The following LRRC9 variants were observed in gnomAD, a reference collection of about 807,000 sequenced individuals.
LRRC9 encodes leucine rich repeat containing 9.
LRRC9 carries 122 observed loss-of-function variants against 63.2 expected under a neutral mutation model. That is an observed-to-expected ratio of 1.93 (90% CI 1.67 to 2.24). The LOEUF (loss-of-function observed/expected upper bound fraction) is 2.24, where lower values mean the gene tolerates loss of function less well. Among genes scored for constraint, LRRC9 ranks in the 30% most tolerant of loss-of-function variants. The pLI is 0.00. For synonymous variants in LRRC9, 366 were observed against 213.1 expected (o/e 1.72, Z -6.25); for missense variants, 1,071 against 627.7 (o/e 1.71, Z -7.55).
intron 29 of LRRC9, among the ~76,000 whole-genome samples, chr14:60,038,960 A>C (rs1892693074): frequency 6.6e-6 from 1 of 152,132 alleles, no homozygotes; most frequent in African/African-American, 2.4e-5. Context: ...TAGTTTATTG[A>C]CAGTTTTTAG....
rs1894041144 is a variant in LRRC9, at chr14:60,053,412, C to T, written c.4131+207C>T. ...ACACACACACACACACACACACACA[C>T]ACACACACATATATATGTAAGTCAG... On this transcript the variant is annotated intron_variant, in intron 30 of 31. Coordinates refer to ENST00000445360, the Ensembl canonical transcript of LRRC9. The surrounding 1 kb of genome is among the most constrained non-coding windows in gnomAD (Gnocchi z 4.8). 8.3e-6 allele frequency among the ~76,000 whole-genome samples: 1 copy of T among 120,154 alleles called. No individual in the cohort carries two copies. The highest frequency in any genetic ancestry group is 1.9e-5 in the Non-Finnish European group (1 of 52,736). 78.8% of individuals were successfully genotyped at this position (120,154 alleles called of 152,430 possible).
In LRRC9 at chr14:59,927,561, T is replaced by C. The variant is rs898174519; in HGVS notation, c.-33-350T>C. On this transcript the variant is annotated intron_variant, in intron 1 of 31. Coordinates refer to ENST00000445360, the Ensembl canonical transcript of LRRC9. This position sits in a 1 kb window ranked among gnomAD's most constrained non-coding sequence, Gnocchi z 4.4. ...CCTGTTCAAAGGAGAGAAACATGAGTATATAGTGAGAGAACTAACAACTTG... is the reference window on the plus strand; with the variant it reads ...CCTGTTCAAAGGAGAGAAACATGAGCATATAGTGAGAGAACTAACAACTTG... 1.3e-5 allele frequency among the ~76,000 whole-genome samples: 2 copies of C among 151,712 alleles called. No homozygotes were observed. The highest frequency in any genetic ancestry group is 4.8e-5 in the African/African-American group (2 of 41,296).
chr14:59,927,931 T>C lies in LRRC9; in HGVS notation c.-13T>C, dbSNP rs1382554939. ...AAAAGTTATAATATTATGATCACTG[T>C]TTTTAATGGAAGATGATTGAAAGTG... On this transcript the variant is annotated 5_prime_UTR_variant, in exon 2 of 32. Coordinates refer to ENST00000445360, the Ensembl canonical transcript of LRRC9. The surrounding 1 kb of genome is among the most constrained non-coding windows in gnomAD (Gnocchi z 4.4). The C allele has an allele frequency of 1.5e-6, 1 of 677,288 alleles. No individual in the cohort carries two copies. The highest frequency in any genetic ancestry group is 1.6e-5 in the South Asian group (1 of 61,462). 42.0% of individuals were successfully genotyped at this position (677,288 alleles called of 1,614,324 possible).
At chr14:59,965,607 C>T (rs796953366) in intron 10 of LRRC9, among the ~76,000 whole-genome samples, 4 of 151,878 alleles carry the variant, frequency 2.6e-5, no homozygotes, top group African/African-American at 7.3e-5. Flanking sequence ...ATACTGGGGC[C>T]GGGCGCGGTG....
At chr14:60,063,083 C>CAG (rs1461124492) in intron 31 of LRRC9, among the ~76,000 whole-genome samples, 2 of 151,962 alleles carry the variant, frequency 1.3e-5, no homozygotes, top group Non-Finnish European at 2.9e-5. Context: ...TTAGTAAAGG[C>CAG]AGGGTTTCAC....
At chr14:59,967,169 C>A in exon 12 of LRRC9, 1 of 638,322 alleles carries the variant, frequency 1.6e-6, no homozygotes, top group South Asian at 1.7e-5. Context: ...AAAGCATCTT[C>A]TACAAATACT....
chr14:59,935,386 AGATAAG>A (rs1380306525), intron 6 of LRRC9, among the ~76,000 whole-genome samples: 1 of 152,166 alleles, frequency 6.6e-6, no homozygotes, highest in African/African-American at 2.4e-5. Flanking sequence ...TGTGCTAGAA[AGATAAG>A]GATAAGATGG....
Position 59,938,791 on chromosome 14 carries a change from T to C in LRRC9, c.726+219T>C, listed in dbSNP as rs181054406. Among the ~76,000 whole-genome samples, 1 of 150,822 alleles carries C rather than the reference T, an allele frequency of 6.6e-6. No individual in the cohort carries two copies. The highest frequency in any genetic ancestry group is 1.9e-4 in the East Asian group (1 of 5,154). ...ATGACAGTACTGGAAGGTGAAATAA[T>C]AGAATAATAATGTTTCTAATCTATA... On this transcript the variant is annotated intron_variant, in intron 7 of 31. Coordinates refer to ENST00000445360, the Ensembl canonical transcript of LRRC9. This position sits in a 1 kb window ranked among gnomAD's most constrained non-coding sequence, Gnocchi z 4.2.
intron 23 of LRRC9, among the ~76,000 whole-genome samples, chr14:60,010,229 T>C (rs1301114426): frequency 6.6e-6 from 1 of 152,180 alleles, no homozygotes; most frequent in Non-Finnish European, 1.5e-5. Context: ...ATCTAGGCGT[T>C]TCCATACACC....
At chr14:60,010,796 C>G (rs1462873307) in intron 23 of LRRC9, among the ~76,000 whole-genome samples, 3 of 152,198 alleles carry the variant, frequency 2.0e-5, no homozygotes, top group African/African-American at 2.4e-5. Flanking sequence ...CCACCAATCT[C>G]TTTGCATAGC....
At chr14:59,945,289 T>G (rs80162300) in intron 8 of LRRC9, among the ~76,000 whole-genome samples, 2,184 of 152,054 alleles carry the variant, frequency 0.014, 53 homozygotes, top group East Asian at 0.059. Context: ...CCTGAAAAAG[T>G]AAGCATTATT....
chr14:59,951,637 T>C (rs1356396425), intron 8 of LRRC9, among the ~76,000 whole-genome samples: 1 of 147,242 alleles, frequency 6.8e-6, no homozygotes, highest in East Asian at 2.2e-4. Flanking sequence ...TTTTATCTAC[T>C]TTTGGTCTTT....
chr14:59,923,662 TGGCTCACGCCTGTA>T lies in LRRC9; in HGVS notation c.-34+3791_-34+3804del, dbSNP rs1018704083. ...TTAAAACAGATACAGTCAGGCGAGGTGGCTCACGCCTGTAGGCTCACGCCTCCCAGCACTCTGGG... is the reference window on the plus strand; with the variant it reads ...TTAAAACAGATACAGTCAGGCGAGGTGGCTCACGCCTCCCAGCACTCTGGG... On this transcript the variant is annotated intron_variant, in intron 1 of 31. Transcript: ENST00000445360. This position sits in a 1 kb window ranked among gnomAD's most constrained non-coding sequence, Gnocchi z 4.2. Among the ~76,000 whole-genome samples the T allele has an allele frequency of 8.5e-5, 13 of 152,280 alleles. No homozygotes were observed. The highest frequency in any genetic ancestry group is 7.7e-4 in the East Asian group (4 of 5,190).
intron 17 of LRRC9, among the ~76,000 whole-genome samples, chr14:59,993,956 A>G (rs2140165056): frequency 6.6e-6 from 1 of 152,344 alleles, no homozygotes; most frequent in South Asian, 2.1e-4. Flanking sequence ...CTCTGCACCA[A>G]GCGGACCTAA....
At chr14:60,008,727 T>C (rs527742028) in intron 23 of LRRC9, among the ~76,000 whole-genome samples, 87 of 152,322 alleles carry the variant, frequency 5.7e-4, no homozygotes, top group Admixed American at 3.5e-3. Flanking sequence ...AGCAAATTCA[T>C]AGGGCTCCTG....
At position 60,042,551 on chromosome 14, in the gene LRRC9, T is replaced by A. The variant is rs372685713; in HGVS notation, c.3990+10488T>A. On this transcript the variant is annotated intron_variant, in intron 29 of 31. Transcript: ENST00000445360. This position sits in a 1 kb window ranked among gnomAD's most constrained non-coding sequence, Gnocchi z 4.2. ...CGTGGGCATGGGATCCTCCAAGCCA[T>A]GCGCGGGATATAATCTCCTGTTGTG... Among the ~76,000 whole-genome samples the A allele has an allele frequency of 1.9e-4, 29 of 152,296 alleles. No homozygotes were observed. In the South Asian group the frequency reaches 4.6e-3, roughly 24 times the overall value.
chr14:60,029,933 G>A (rs1178038808), intron 28 of LRRC9, among the ~76,000 whole-genome samples: 2 of 124,550 alleles, frequency 1.6e-5, no homozygotes, highest in Non-Finnish European at 1.8e-5. Flanking sequence ...ACCTTAATGT[G>A]ACCATACATT....
At chr14:59,992,345 A>G (rs1391238040) in intron 17 of LRRC9, among the ~76,000 whole-genome samples, 2 of 152,174 alleles carry the variant, frequency 1.3e-5, no homozygotes, top group Non-Finnish European at 2.9e-5. Flanking sequence ...AGGTAGATAA[A>G]CCCACAAAGA....
intron 23 of LRRC9, among the ~76,000 whole-genome samples, chr14:60,012,952 ATTTT>A (rs869111603): frequency 1.0e-4 from 11 of 107,984 alleles, no homozygotes; most frequent in Non-Finnish European, 1.7e-4. Context: ...TTATTTATTT[ATTTT>A]TTTAATTTTA....
Sources: allele counts gnomAD v4.1 joint callset (sites outside exome capture counted in the v4.1 genomes callset), GRCh38; gene constraint gnomAD v4.1.1; non-coding constraint Gnocchi (gnomAD v3.1); transcripts MANE v1.5; gene names NCBI Gene and HGNC (gene_info 2026-07-23, HGNC 2026-07-21).